The following SH3GL1 variants were observed in gnomAD, a reference collection of about 807,000 sequenced individuals.
SH3GL1 encodes SH3 domain containing GRB2 like 1, endophilin A2.
Under a neutral mutation model 48.8 loss-of-function variants are expected in SH3GL1, and 21 were observed. The ratio of observed to expected loss-of-function variants is 0.43; its 90% confidence interval spans 0.30 to 0.62. The LOEUF (loss-of-function observed/expected upper bound fraction) is 0.62. SH3GL1 is among the 20% of genes least tolerant of loss of function. The pLI is 0.11. For missense variants in SH3GL1, 454 were observed against 503.0 expected (o/e 0.90, Z 0.93); for synonymous variants, 282 against 217.5 (o/e 1.30, Z -2.61).
chr19:4,363,574 G>A (rs1972685650), intron 6 of SH3GL1, 101 bp from the exon 7 acceptor site: 7 of 1,411,610 alleles, frequency 5.0e-6, no homozygotes, highest in Admixed American at 1.7e-5. Context: ...GGCTGAGAGG[G>A]GACAGGGGAC....
In SH3GL1 at chr19:4,361,219, G is replaced by C. The variant is rs781074711; in HGVS notation, c.*381C>G. 1 of 307,746 alleles carries C rather than the reference G, an allele frequency of 3.2e-6. No individual in the cohort carries two copies. The highest frequency in any genetic ancestry group is 6.1e-6 in the Non-Finnish European group (1 of 164,146). The allele number at this position is 307,746 out of a possible 1,614,324, so 19.1% of individuals were successfully genotyped here. On this transcript the variant is annotated 3_prime_UTR_variant, in exon 10 of 10. Coordinates refer to ENST00000269886, the MANE Select transcript of SH3GL1 (RefSeq NM_003025.4). ...GGGACTCGAGGGTAGGCAGTGGGCC[G>C]GGCCCCCGTCGGGTCAGGACGGAGG...
intron 1 of SH3GL1, among the ~76,000 whole-genome samples, chr19:4,386,309 G>A (rs903154912): frequency 4.6e-5 from 7 of 152,262 alleles, no homozygotes; most frequent in Middle Eastern, 3.4e-3. Flanking sequence ...GCTTCCTTCC[G>A]CAGGGGGCTT....
intron 7 of SH3GL1, 62 bp from the exon 8 acceptor site, chr19:4,362,798 G>A: frequency 6.2e-7 from 1 of 1,609,044 alleles, no homozygotes; most frequent in South Asian, 1.1e-5. Context: ...CCCCACTCTT[G>A]TATTTATGCT....
At position 4,389,876 on chromosome 19, in the gene SH3GL1, T is replaced by C. The variant is rs1017505532; in HGVS notation, c.45+10448A>G. Among the ~76,000 whole-genome samples, 2 of 152,190 alleles carry C rather than the reference T, an allele frequency of 1.3e-5. No individual in the cohort carries two copies. The highest frequency in any genetic ancestry group is 2.9e-5 in the Non-Finnish European group (2 of 68,020). On this transcript the variant is annotated intron_variant, in intron 1 of 9. Transcript: ENST00000269886. This position sits in a 1 kb window ranked among gnomAD's most constrained non-coding sequence, Gnocchi z 4.5. ...TGAAACCATGTGGGGAGCTGTCCAC[T>C]TGGGGGCCAGGGCAGAGGAGACGCA...
chr19:4,395,191 T>C (rs1199389206), intron 1 of SH3GL1, among the ~76,000 whole-genome samples: 1 of 152,200 alleles, frequency 6.6e-6, no homozygotes, highest in Non-Finnish European at 1.5e-5. Context: ...GGTCTGGCTC[T>C]GTCTCCCAGG....
At chr19:4,398,663 G>A (rs997976550) in intron 1 of SH3GL1, among the ~76,000 whole-genome samples, 51 of 152,082 alleles carry the variant, frequency 3.4e-4, no homozygotes, top group Admixed American at 1.6e-3. Context: ...ATGAGCCACC[G>A]CGCCCGGCCA....
intron 1 of SH3GL1, among the ~76,000 whole-genome samples, chr19:4,384,090 G>A (rs1352079178): frequency 6.6e-6 from 1 of 152,244 alleles, no homozygotes; most frequent in Non-Finnish European, 1.5e-5. Context: ...CGACAAGGCT[G>A]GGTGCTAGGT....
At chr19:4,383,471 C>T (rs967814382) in intron 1 of SH3GL1, among the ~76,000 whole-genome samples, 3 of 151,928 alleles carry the variant, frequency 2.0e-5, no homozygotes, top group African/African-American at 7.3e-5. Context: ...CAGGCTCAAG[C>T]CATCCTCCTG....
rs376394588 is a variant in SH3GL1 at position 4,361,558 on chromosome 19, C to T, written c.*42G>A. 2.6e-5 allele frequency: 38 copies of T among 1,472,238 alleles called. No homozygotes were observed. Among genetic ancestry groups the T allele is most frequent in the East Asian group, 2.1e-4 (9 of 43,538 alleles). 91.2% of individuals were successfully genotyped at this position (1,472,238 alleles called of 1,614,324 possible). ...ATGCAGGAGACCCAGCAGGGGGTGC[C>T]GGCCAGTGTGGACGGAGGGGCGGGG... On this transcript the variant is annotated 3_prime_UTR_variant, in exon 10 of 10. Transcript: ENST00000269886.
chr19:4,366,817 C>G, intron 2 of SH3GL1, 109 bp downstream of exon 2: 1 of 1,150,606 alleles, frequency 8.7e-7, no homozygotes, highest in Non-Finnish European at 1.3e-6. Flanking sequence ...CTGCCGGGCC[C>G]CATCACTCCA....
chr19:4,375,891 G>T (rs977447506), intron 1 of SH3GL1, among the ~76,000 whole-genome samples: 1 of 152,234 alleles, frequency 6.6e-6, no homozygotes, highest in South Asian at 2.1e-4. Flanking sequence ...GGGCAGCATG[G>T]AGGATCTGCG....
intron 1 of SH3GL1, among the ~76,000 whole-genome samples, chr19:4,378,411 C>T (rs1348097565): frequency 1.3e-5 from 2 of 152,088 alleles, no homozygotes; most frequent in Non-Finnish European, 2.9e-5. Flanking sequence ...CGTGGATGTG[C>T]TTTAGAAACT....
intron 1 of SH3GL1, among the ~76,000 whole-genome samples, chr19:4,371,857 C>T (rs1245514063): frequency 6.6e-6 from 1 of 152,268 alleles, no homozygotes; most frequent in African/African-American, 2.4e-5. Flanking sequence ...TGCAGTCCTC[C>T]TCAGCGGAAT....
At chr19:4,364,886 G>A (rs138377796) in intron 4 of SH3GL1, among the ~76,000 whole-genome samples, 92 of 90,896 alleles carry the variant, frequency 1.0e-3, no homozygotes, top group African/African-American at 4.0e-3. Context: ...GTGTGTGTGT[G>A]TGTGTGTGTG....
At chr19:4,390,792 T>C (rs1271478487) in intron 1 of SH3GL1, among the ~76,000 whole-genome samples, 2 of 150,620 alleles carry the variant, frequency 1.3e-5, no homozygotes, top group Non-Finnish European at 3.0e-5. Flanking sequence ...TCCCGGCACT[T>C]AAAGACCTCA....
chr19:4,396,292 G>A (rs1451451869), intron 1 of SH3GL1, among the ~76,000 whole-genome samples: 1 of 151,860 alleles, frequency 6.6e-6, no homozygotes, highest in African/African-American at 2.4e-5. Flanking sequence ...GCAGCTACTC[G>A]GGAGGCTGAG....
chr19:4,378,987 A>G (rs1265992618), intron 1 of SH3GL1, among the ~76,000 whole-genome samples: 1 of 152,238 alleles, frequency 6.6e-6, no homozygotes, highest in African/African-American at 2.4e-5. Flanking sequence ...CACACCAGGA[A>G]AAACTGGCTA....
chr19:4,364,688 C>T (rs1972722626), intron 4 of SH3GL1: 1 of 162,570 alleles, frequency 6.2e-6, no homozygotes, highest in Admixed American at 6.0e-5. Flanking sequence ...CTCGGCCTCC[C>T]AAAGTGTTGG....
intron 1 of SH3GL1, among the ~76,000 whole-genome samples, chr19:4,391,716 T>C (rs1282011084): frequency 2.4e-4 from 37 of 152,172 alleles, no homozygotes; most frequent in Non-Finnish European, 1.5e-5. Context: ...AAGGAGCCTC[T>C]AGCTTCCTTT....
Sources: allele counts gnomAD v4.1 joint callset (sites outside exome capture counted in the v4.1 genomes callset), GRCh38; gene constraint gnomAD v4.1.1; non-coding constraint Gnocchi (gnomAD v3.1); transcripts MANE v1.5; gene names NCBI Gene and HGNC (gene_info 2026-07-23, HGNC 2026-07-21).